INPP5A: variants seen among roughly 807,000 people sequenced by gnomAD.
INPP5A encodes the protein inositol polyphosphate-5-phosphatase A.
In INPP5A, 14 loss-of-function variants were observed where a neutral mutation model predicts 65.2. The observed-to-expected ratio is 0.21, with a 90% CI of 0.14 to 0.34. INPP5A has a LOEUF of 0.34. Ranked by LOEUF, INPP5A falls within the 10% of genes least tolerant of loss-of-function variation. INPP5A has a pLI of 1.00. For missense variants in INPP5A, 431 were observed against 545.6 expected (o/e 0.79, Z 2.09); for synonymous variants, 207 against 208.3 (o/e 0.99, Z 0.05).
At position 132,546,275 on chromosome 10, in the gene INPP5A, C is replaced by T. The variant is rs1044202522; in HGVS notation, c.75+8104C>T. ...TGGCGCAGAAGTGGTTTCCCAGCGG[C>T]GTGCCCTGAGTGTTGGGAAAAGGCC... On this transcript the variant is annotated intron_variant, in intron 1 of 15. Transcript: ENST00000368594. The surrounding 1 kb of genome is among the most constrained non-coding windows in gnomAD (Gnocchi z 5.7). Among the ~76,000 whole-genome samples, 5 of 152,206 alleles carry T rather than the reference C, an allele frequency of 3.3e-5. No homozygotes were observed. The highest frequency in any genetic ancestry group is 4.8e-5 in the African/African-American group (2 of 41,448).
intron 7 of INPP5A, among the ~76,000 whole-genome samples, chr10:132,709,659 G>C (rs1845601251): frequency 6.6e-6 from 1 of 152,208 alleles, no homozygotes; most frequent in Admixed American, 6.5e-5. Flanking sequence ...GGCGCCTCCT[G>C]GTAGGGAGAC....
rs957514090 is a variant in INPP5A, at chr10:132,587,018, C to A, written c.76-20897C>A. On this transcript the variant is annotated intron_variant, in intron 1 of 15. Coordinates refer to ENST00000368594, the MANE Select transcript of INPP5A (RefSeq NM_005539.5). The surrounding 1 kb of genome is among the most constrained non-coding windows in gnomAD (Gnocchi z 4.3). ...ATCATTCCCCGTCCCCTGGGTGGCC[C>A]CTCCCCCGCCATCGTTACGCTGTCA... 6.6e-6 allele frequency among the ~76,000 whole-genome samples: 1 copy of A among 152,326 alleles called. No individual in the cohort carries two copies. Among genetic ancestry groups the A allele is most frequent in the African/African-American group, 2.4e-5 (1 of 41,568 alleles).
At chr10:132,666,054 C>CA (rs5789135) in intron 4 of INPP5A, among the ~76,000 whole-genome samples, 105,168 of 136,128 alleles carry the variant, frequency 0.77, 40,657 homozygotes, top group East Asian at 0.98. Flanking sequence ...GATCCTGTCT[C>CA]AAAAAAAAAA....
chr10:132,754,801 C>T (rs915420815), intron 11 of INPP5A, among the ~76,000 whole-genome samples: 1 of 152,248 alleles, frequency 6.6e-6, no homozygotes, highest in Non-Finnish European at 1.5e-5. Flanking sequence ...GCTCCTTCTT[C>T]CTGGAGTTTT....
rs550512123 is a variant in INPP5A, at chr10:132,704,796, G to C, written c.475-3517G>C. 6.6e-6 allele frequency among the ~76,000 whole-genome samples: 1 copy of C among 152,094 alleles called. No individual in the cohort carries two copies. The highest frequency in any genetic ancestry group is 1.9e-4 in the East Asian group (1 of 5,154). On this transcript the variant is annotated intron_variant, in intron 6 of 15. Transcript: ENST00000368594. The surrounding 1 kb of genome is among the most constrained non-coding windows in gnomAD (Gnocchi z 4.5). ...GCTCCTCTGGAGTGTGGAGGATGGAGGAAGGGCGTCTGGACAGGCGGCAGG... is the reference window on the plus strand; with the variant it reads ...GCTCCTCTGGAGTGTGGAGGATGGACGAAGGGCGTCTGGACAGGCGGCAGG...
chr10:132,690,550 T>A, intron 5 of INPP5A, 95 bp downstream of exon 5: 2 of 898,572 alleles, frequency 2.2e-6, no homozygotes, highest in Non-Finnish European at 3.6e-6. Context: ...TCTCTGTGAG[T>A]GGCCACTGTG....
At chr10:132,687,497 T>C (rs905001775) in intron 4 of INPP5A, among the ~76,000 whole-genome samples, 8 of 152,344 alleles carry the variant, frequency 5.3e-5, no homozygotes, top group African/African-American at 1.9e-4. Context: ...ACCTTCTGGC[T>C]TTCCCGTGGA....
chr10:132,599,238 A>C (rs1199756703), intron 1 of INPP5A, among the ~76,000 whole-genome samples: 1 of 152,202 alleles, frequency 6.6e-6, no homozygotes, highest in Non-Finnish European at 1.5e-5. Context: ...AATCAAAAGC[A>C]AGCTAGTTAC....
At chr10:132,755,015 CTG>C (rs753941102) in intron 11 of INPP5A, among the ~76,000 whole-genome samples, 11 of 147,394 alleles carry the variant, frequency 7.5e-5, no homozygotes, top group African/African-American at 2.5e-4. Flanking sequence ...GCATGTGAGC[CTG>C]TGTGAGTATG....
Position 132,549,702 on chromosome 10 carries a change from G to A in INPP5A, c.75+11531G>A, listed in dbSNP as rs1315472790. On this transcript the variant is annotated intron_variant, in intron 1 of 15. Transcript: ENST00000368594. The surrounding 1 kb of genome is among the most constrained non-coding windows in gnomAD (Gnocchi z 4.9). Reference sequence around the variant, plus strand: ...CTGCAGCTGCAGGGCGGGAGCCGGGGCTTCCGTGAGGCTCTGTGACACAGG... The same window carrying A: ...CTGCAGCTGCAGGGCGGGAGCCGGGACTTCCGTGAGGCTCTGTGACACAGG... 1.3e-5 allele frequency among the ~76,000 whole-genome samples: 2 copies of A among 152,238 alleles called. No homozygotes were observed. The highest frequency in any genetic ancestry group is 4.8e-5 in the African/African-American group (2 of 41,470).
chr10:132,547,960 C>T lies in INPP5A; in HGVS notation c.75+9789C>T, dbSNP rs1261762065. On this transcript the variant is annotated intron_variant, in intron 1 of 15. Coordinates refer to ENST00000368594, the MANE Select transcript of INPP5A (RefSeq NM_005539.5). The surrounding 1 kb of genome is among the most constrained non-coding windows in gnomAD (Gnocchi z 5.5). Reference sequence around the variant, plus strand: ...CATCACCCAGGCTGGAGTACAATGGCGTGATCTCACCTCACTGCGACCTCC... The same window carrying T: ...CATCACCCAGGCTGGAGTACAATGGTGTGATCTCACCTCACTGCGACCTCC... Among the ~76,000 whole-genome samples the T allele has an allele frequency of 6.6e-6, 1 of 151,692 alleles. No individual in the cohort carries two copies. The highest frequency in any genetic ancestry group is 2.4e-5 in the African/African-American group (1 of 41,232).
At chr10:132,594,247 C>T (rs756685972) in intron 1 of INPP5A, among the ~76,000 whole-genome samples, 4 of 152,102 alleles carry the variant, frequency 2.6e-5, no homozygotes, top group South Asian at 2.1e-4. Context: ...CCTCTAACCG[C>T]GTGTGATTAT....
chr10:132,685,336 G>A (rs1194602179), intron 4 of INPP5A, among the ~76,000 whole-genome samples: 1 of 152,242 alleles, frequency 6.6e-6, no homozygotes. Flanking sequence ...CGCCCGCGAC[G>A]CGGTTGGAAC....
At chr10:132,745,864 C>T (rs1027003595) in intron 9 of INPP5A, among the ~76,000 whole-genome samples, 7 of 151,550 alleles carry the variant, frequency 4.6e-5, no homozygotes, top group East Asian at 1.9e-4. Context: ...ATGGTGGCCT[C>T]GGGTGTGGTG....
intron 4 of INPP5A, among the ~76,000 whole-genome samples, chr10:132,657,018 C>T (rs987482246): frequency 3.3e-5 from 5 of 152,180 alleles, no homozygotes; most frequent in African/African-American, 2.4e-5. Context: ...CAAGCCGAGG[C>T]GTTGAGGAAG....
rs527785355 is a variant in INPP5A at position 132,712,585 on chromosome 10, C to T, written c.647+2129C>T. On this transcript the variant is annotated intron_variant, in intron 8 of 15. Transcript: ENST00000368594. ...GCACTTGTGTGGCTGCATGTGAGTGCGGGTGTATGTGTGCGCGGGTGTGTG... is the reference window on the plus strand; with the variant it reads ...GCACTTGTGTGGCTGCATGTGAGTGTGGGTGTATGTGTGCGCGGGTGTGTG... 2.3e-3 allele frequency among the ~76,000 whole-genome samples: 326 copies of T among 142,962 alleles called. 4 individuals carry two copies. The highest frequency in any genetic ancestry group is 7.3e-3 in the African/African-American group (279 of 37,976). 93.8% of individuals were successfully genotyped at this position (142,962 alleles called of 152,430 possible). A position where few individuals can be genotyped will look rare whatever the true frequency, so the allele number is the denominator to read the frequency against.
At chr10:132,660,756 G>A (rs529667062) in intron 4 of INPP5A, among the ~76,000 whole-genome samples, 6 of 152,356 alleles carry the variant, frequency 3.9e-5, no homozygotes, top group Non-Finnish European at 8.8e-5. Flanking sequence ...AGTTCAGGGA[G>A]AGAGGTGAGG....
At chr10:132,732,159 C>G (rs981516840) in intron 9 of INPP5A, among the ~76,000 whole-genome samples, 4 of 152,260 alleles carry the variant, frequency 2.6e-5, no homozygotes, top group African/African-American at 9.6e-5. Flanking sequence ...CAGGCCCTGG[C>G]TTATAATGCC....
chr10:132,672,928 A>C (rs2072911720), intron 4 of INPP5A, among the ~76,000 whole-genome samples: 1 of 152,102 alleles, frequency 6.6e-6, no homozygotes, highest in South Asian at 2.1e-4. Context: ...GAATGTCCCA[A>C]ACCTTCATTC....
Sources: allele counts gnomAD v4.1 joint callset (sites outside exome capture counted in the v4.1 genomes callset), GRCh38; gene constraint gnomAD v4.1.1; non-coding constraint Gnocchi (gnomAD v3.1); transcripts MANE v1.5; gene names NCBI Gene and HGNC (gene_info 2026-07-23, HGNC 2026-07-21).